Variants in USP9X observed in about 807,000 individuals in gnomAD.
The protein encoded by USP9X is ubiquitin carboxyl-terminal hydrolase 9X.
In USP9X, 7 loss-of-function variants were observed where a neutral mutation model predicts 190.3. The ratio of observed to expected loss-of-function variants is 0.04; its 90% CI spans 0.02 to 0.07. USP9X has a LOEUF of 0.07. Among genes scored for constraint, USP9X ranks in the 10% least tolerant of loss-of-function variants. The pLI is 1.00. For synonymous variants in USP9X, 645 were observed against 659.5 expected, an observed-to-expected ratio of 0.98 and a Z score of 0.34; for missense variants, 1,010 against 1,916.9, an observed-to-expected ratio of 0.53 and a Z score of 8.83.
At chrX:41,120,612 C>T (rs377030422) in intron 1 of USP9X, among the ~76,000 whole-genome samples, 69 of 110,048 alleles carry the variant, frequency 6.3e-4, no homozygotes, top group Non-Finnish European at 1.0e-3. Context: ...ATTCTCCTGC[C>T]TCAGCCTCTC....
At chrX:41,218,347 C>A (rs754558678) in intron 36 of USP9X, 25 bp from the exon 37 acceptor site, 4 of 1,193,159 alleles carry the variant, frequency 3.4e-6, no homozygotes, top group Non-Finnish European at 4.5e-6. Context: ...ACTTAATAGT[C>A]ATAGGTTTTT....
Position 41,167,564 on chromosome X carries a change from T to C in USP9X, c.2411T>C (p.Leu804Pro). 1 of 1,198,706 alleles carries C rather than the reference T, an allele frequency of 8.3e-7. No individual in the cohort carries two copies. Among genetic ancestry groups the C allele is most frequent in the Non-Finnish European group, 1.1e-6 (1 of 885,792 alleles). ...ATATACACGAACCTTGGTCCAAGAC[T>C]ACAAGTCAATCAGGTGAGGATTGAT... The part of the protein sequence containing the change: ...KEIYTNLGPR[L>P]QVNQVVIHED... The change falls in exon 17 of 45, where the codon CTA becomes CCA. Residue 804 changes from leucine (L) to proline (P), a missense_variant. This residue lies in a region of USP9X where 104 missense variants were observed against 239.8 expected (regional missense o/e 0.43). Transcript: ENST00000378308.
intron 24 of USP9X, among the ~76,000 whole-genome samples, chrX:41,187,186 C>G (rs542030564): frequency 8.9e-6 from 1 of 112,143 alleles, no homozygotes; most frequent in Admixed American, 9.4e-5. Flanking sequence ...CGGTCGAAAC[C>G]GAATGTTTTC....
chrX:41,175,945 G>T (rs1370738584), intron 21 of USP9X, among the ~76,000 whole-genome samples: 1 of 108,123 alleles, frequency 9.2e-6, no homozygotes, highest in Non-Finnish European at 1.9e-5. Flanking sequence ...AGGCTGGAGT[G>T]CAGTGGCGCA....
At chrX:41,198,418 AGATC>A in intron 29 of USP9X, 106 bp from the exon 30 acceptor site, 1 of 429,967 alleles carries the variant, frequency 2.3e-6, no homozygotes, top group East Asian at 6.3e-5. Flanking sequence ...AGATGTAATG[AGATC>A]TTAAATTCCA....
chrX:41,132,294 AATT>A (rs2062326501), intron 4 of USP9X, among the ~76,000 whole-genome samples: 2 of 57,971 alleles, frequency 3.4e-5, no homozygotes, highest in Non-Finnish European at 6.1e-5. Flanking sequence ...CATGCCCACT[AATT>A]TTTTTTTTTT....
intron 2 of USP9X, among the ~76,000 whole-genome samples, chrX:41,125,684 A>ACACACACACACACACACTCTCTCT: frequency 7.9e-4 from 15 of 19,015 alleles, no homozygotes; most frequent in South Asian, 3.7e-3. Context: ...ACACACACAC[A>ACACACACACACACACACTCTCTCT]CTCTCTCTCT....
intron 30 of USP9X, 50 bp downstream of exon 30, chrX:41,198,800 G>T (rs2063012995): frequency 9.4e-7 from 1 of 1,066,282 alleles, no homozygotes; most frequent in African/African-American, 1.9e-5. Context: ...ATGTTTCAAA[G>T]TTGTTTTCCT....
intron 1 of USP9X, among the ~76,000 whole-genome samples, chrX:41,094,503 C>G (rs751212295): frequency 9.1e-6 from 1 of 109,932 alleles, no homozygotes; most frequent in Admixed American, 9.7e-5. Flanking sequence ...CAGTGCATGT[C>G]GTTATCTGAG....
chrX:41,204,588 A>G (rs1446629833), intron 31 of USP9X, among the ~76,000 whole-genome samples: 2 of 111,789 alleles, frequency 1.8e-5, no homozygotes, highest in African/African-American at 3.3e-5. Flanking sequence ...CATGCACCAC[A>G]TAACAACGTT....
chrX:41,099,289 C>T (rs1467536237), intron 1 of USP9X, among the ~76,000 whole-genome samples: 1 of 108,591 alleles, frequency 9.2e-6, no homozygotes, highest in Non-Finnish European at 1.9e-5. Context: ...AAGAATGTTG[C>T]CATGAACACT....
rs187489940 is a variant in USP9X, at chrX:41,085,942, C to T, written c.-326C>T. 4.0e-3 allele frequency: 1,181 copies of T among 295,862 alleles called. 18 individuals carry two copies. Among genetic ancestry groups the T allele is most frequent in the African/African-American group, 0.029 (1,067 of 36,259 alleles). 24.4% of individuals were successfully genotyped at this position (295,862 alleles called of 1,213,427 possible). On this transcript the variant is annotated 5_prime_UTR_variant, in exon 1 of 45. Transcript: ENST00000378308. The stretch of plus-strand genomic sequence containing the variant: ...TGTGCAGCCTTTTGGTTGAGACGCC[C>T]GCAGCCCCGAGCCCGGCCGCCGCAG...
chrX:41,176,849 G>T (rs2062779125), intron 21 of USP9X, among the ~76,000 whole-genome samples: 1 of 112,229 alleles, frequency 8.9e-6, no homozygotes, highest in Non-Finnish European at 1.9e-5. Flanking sequence ...ACGTGCTATA[G>T]CATAACAGAC....
intron 1 of USP9X, among the ~76,000 whole-genome samples, chrX:41,089,903 GTTTTTTTTTTTTTTT>G (rs139093155): frequency 3.3e-5 from 1 of 30,326 alleles, no homozygotes; most frequent in African/African-American, 1.4e-4. Context: ...ATCTATGAGG[GTTTTTTTTTTTTTTT>G]TTTTTTTTTT....
At chrX:41,087,481 T>C (rs1447994997) in intron 1 of USP9X, among the ~76,000 whole-genome samples, 2 of 112,393 alleles carry the variant, frequency 1.8e-5, no homozygotes, top group Non-Finnish European at 3.8e-5. Flanking sequence ...GCCATTTTGG[T>C]TTCAGCAAAT....
Position 41,196,406 on chromosome X carries a change from C to T in USP9X, c.4086+47C>T, listed in dbSNP as rs369812447. The T allele has an allele frequency of 2.1e-5, 24 of 1,167,784 alleles. No individual in the cohort carries two copies. The African/African-American group carries it at 2.7e-4, about 13-fold the overall frequency. On this transcript the variant is annotated intron_variant, in intron 27 of 44. Coordinates refer to ENST00000378308, the MANE Select transcript of USP9X (RefSeq NM_001039591.3). ...TTATCAATGTGATTCATTCTTTAAG[C>T]AAGAAACATTCAGAAATTTGTGGTT... is the stretch of plus-strand genomic sequence containing the variant.
At chrX:41,086,574 C>T (rs1204748748) in intron 1 of USP9X, among the ~76,000 whole-genome samples, 7 of 112,248 alleles carry the variant, frequency 6.2e-5, no homozygotes, top group Non-Finnish European at 1.1e-4. Context: ...TGATTTGGAG[C>T]TGGGGAGCTA....
At chrX:41,229,472 A>C (rs772095346) in intron 42 of USP9X, 63 bp downstream of exon 42, 252 of 1,146,873 alleles carry the variant, frequency 2.2e-4, no homozygotes, top group Middle Eastern at 1.3e-3. Flanking sequence ...TCTGTTTTAA[A>C]AGAAGAGAAT....
chrX:41,213,820 C>A (rs967669060), intron 33 of USP9X, among the ~76,000 whole-genome samples: 2 of 111,678 alleles, frequency 1.8e-5, no homozygotes, highest in African/African-American at 6.6e-5. Flanking sequence ...TTTATAAATG[C>A]CTTTGTGTAC....
Sources: allele counts gnomAD v4.1 joint callset (sites outside exome capture counted in the v4.1 genomes callset), GRCh38; gene constraint gnomAD v4.1.1; regional missense constraint gnomAD v4.1.1; transcripts MANE v1.5; gene names NCBI Gene and HGNC (gene_info 2026-07-23, HGNC 2026-07-21).